MGAT5: variants seen among roughly 807,000 people sequenced by gnomAD.
MGAT5 encodes alpha-1,6-mannosylglycoprotein 6-beta-N-acetylglucosaminyltransferase.
In MGAT5, 30 loss-of-function variants were observed where a neutral mutation model predicts 94.3. That is an observed-to-expected ratio of 0.32 (90% confidence interval 0.24 to 0.43). MGAT5 has a LOEUF of 0.43. MGAT5 is among the 20% of genes least tolerant of loss of function. MGAT5 has a pLI of 1.00. For synonymous variants in MGAT5, 310 were observed against 322.9 expected, an observed-to-expected ratio of 0.96 and a Z score of 0.43; for missense variants, 691 against 905.5, an observed-to-expected ratio of 0.76 and a Z score of 3.04.
At chr2:134,381,378 T>TG (rs1681554333) in intron 10 of MGAT5, among the ~76,000 whole-genome samples, 7 of 71,590 alleles carry the variant, frequency 9.8e-5, no homozygotes, top group Non-Finnish European at 1.7e-4. Context: ...TAAGATAAGA[T>TG]AGATTAGATA....
chr2:134,266,378 G>A lies in MGAT5; in HGVS notation c.242-4008G>A, dbSNP rs147657818. On this transcript the variant is annotated intron_variant, in intron 1 of 15. Coordinates refer to ENST00000281923, the MANE Select transcript of MGAT5 (RefSeq NM_002410.5). The stretch of plus-strand genomic sequence containing the variant: ...TGGGACTACAGGCACACGCCACCAT[G>A]CCCAGCTATTTTTTGTATTTTTTGG... Among the ~76,000 whole-genome samples the A allele has an allele frequency of 6.7e-3, 1,025 of 151,910 alleles. 41 individuals are homozygous for A. In the East Asian group the frequency reaches 0.12, roughly 17 times the overall value.
At position 134,327,267 on chromosome 2, in the gene MGAT5, G is replaced by A. The variant is rs182790423; in HGVS notation, c.573+8528G>A. ...CAGTAGTCCTCTCTTATCCATGAGG[G>A]ATATATTTTAAGACCCAGTGGTACC... On this transcript the variant is annotated intron_variant, in intron 4 of 15. Transcript: ENST00000281923. 9.9e-4 allele frequency among the ~76,000 whole-genome samples: 151 copies of A among 152,176 alleles called. 1 individual carries two copies. The highest frequency in any genetic ancestry group is 1.5e-3 in the Non-Finnish European group (103 of 67,972).
At chr2:134,367,664 G>A (rs1680520618) in intron 10 of MGAT5, among the ~76,000 whole-genome samples, 1 of 152,226 alleles carries the variant, frequency 6.6e-6, no homozygotes, top group South Asian at 2.1e-4. Context: ...GATCTCATCA[G>A]AGGTCTTTCA....
chr2:134,356,734 C>T lies in MGAT5; in HGVS notation c.1247-5541C>T, dbSNP rs147809565. ...GCGGCTTTTTGCTCATTTCTCTCTACTTCCTTGCTGTTTCTTGAGTAGAAT... is the reference window on the plus strand; with the variant it reads ...GCGGCTTTTTGCTCATTTCTCTCTATTTCCTTGCTGTTTCTTGAGTAGAAT... On this transcript the variant is annotated intron_variant, in intron 9 of 15. Coordinates refer to ENST00000281923, the MANE Select transcript of MGAT5 (RefSeq NM_002410.5). Among the ~76,000 whole-genome samples the T allele has an allele frequency of 4.3e-4, 66 of 152,264 alleles. 1 individual carries two copies. The highest frequency in any genetic ancestry group is 1.4e-3 in the African/African-American group (58 of 41,552).
chr2:134,237,148 T>TGTGTGTGTGTGCGTGTGTGTGC (rs374914892), intron 1 of MGAT5, among the ~76,000 whole-genome samples: 1 of 140,744 alleles, frequency 7.1e-6, no homozygotes, highest in South Asian at 2.5e-4. Context: ...TGTGTGTGTG[T>TGTGTGTGTGTGCGTGTGTGTGC]GCGCGTGTGT....
chr2:134,293,070 G>A (rs1284856406), intron 2 of MGAT5, among the ~76,000 whole-genome samples: 2 of 152,206 alleles, frequency 1.3e-5, no homozygotes, highest in African/African-American at 4.8e-5. Context: ...CTTAACACAT[G>A]AAAGGCACCT....
chr2:134,134,422 G>T (rs1462956081), intron 1 of MGAT5, among the ~76,000 whole-genome samples: 1 of 152,154 alleles, frequency 6.6e-6, no homozygotes, highest in African/African-American at 2.4e-5. Context: ...ACAAATCCTT[G>T]TTGCTCTCCT....
chr2:134,291,208 C>T lies in MGAT5; in HGVS notation c.406+20658C>T, dbSNP rs574536825. ...TATGTTGAGATCCTAACCCCCAAGG[C>T]GATGGTGTTAAATGGTCTGGGGCCT... On this transcript the variant is annotated intron_variant, in intron 2 of 15. Transcript: ENST00000281923. 1.1e-4 allele frequency among the ~76,000 whole-genome samples: 17 copies of T among 152,230 alleles called. No homozygotes were observed. The South Asian group carries it at 3.5e-3, about 32-fold the overall frequency.
chr2:134,233,574 C>T (rs1166662875), intron 1 of MGAT5, among the ~76,000 whole-genome samples: 1 of 152,156 alleles, frequency 6.6e-6, no homozygotes, highest in Admixed American at 6.6e-5. Flanking sequence ...TAGAATAAAA[C>T]TAGGTCAGCA....
At chr2:134,196,015 G>A (rs2105257734) in intron 1 of MGAT5, among the ~76,000 whole-genome samples, 1 of 152,260 alleles carries the variant, frequency 6.6e-6, no homozygotes, top group South Asian at 2.1e-4. Flanking sequence ...AAAAAGTCAG[G>A]ATGATCCTCA....
At chr2:134,235,727 G>GTTTTTTTT (rs111416761) in intron 1 of MGAT5, among the ~76,000 whole-genome samples, 1 of 149,350 alleles carries the variant, frequency 6.7e-6, no homozygotes, top group Admixed American at 6.6e-5. Flanking sequence ...TAATAATAGG[G>GTTTTTTTT]GTTTTTTTTT....
At chr2:134,362,685 G>T (rs1258786570) in intron 10 of MGAT5, among the ~76,000 whole-genome samples, 2 of 152,206 alleles carry the variant, frequency 1.3e-5, no homozygotes, top group African/African-American at 4.8e-5. Flanking sequence ...CCTTGTACTT[G>T]CTTCTGAGAG....
chr2:134,240,357 GTTT>G (rs11316083), intron 1 of MGAT5, among the ~76,000 whole-genome samples: 127 of 146,706 alleles, frequency 8.7e-4, no homozygotes, highest in Admixed American at 8.7e-4. Context: ...AAATGAAAGT[GTTT>G]TTTTTTTTTT....
chr2:134,397,660 G>T (rs988796807), intron 10 of MGAT5, among the ~76,000 whole-genome samples: 3 of 152,150 alleles, frequency 2.0e-5, no homozygotes, highest in African/African-American at 7.2e-5. Flanking sequence ...TCCCCATCTG[G>T]CAGCAGAGGG....
At chr2:134,246,329 T>C (rs1682260482) in intron 1 of MGAT5, among the ~76,000 whole-genome samples, 1 of 152,184 alleles carries the variant, frequency 6.6e-6, no homozygotes, top group South Asian at 2.1e-4. Context: ...AGTTGAGCTT[T>C]TGGGCACCTG....
intron 10 of MGAT5, among the ~76,000 whole-genome samples, chr2:134,383,288 A>G (rs764892047): frequency 6.6e-6 from 1 of 152,234 alleles, no homozygotes; most frequent in Non-Finnish European, 1.5e-5. Context: ...ACAATGAGCA[A>G]TGATATCTGC....
chr2:134,394,509 C>T (rs1207229325), intron 10 of MGAT5, among the ~76,000 whole-genome samples: 2 of 152,272 alleles, frequency 1.3e-5, no homozygotes, highest in Non-Finnish European at 2.9e-5. Context: ...AATGTTATTC[C>T]TTACTAAGAG....
At chr2:134,328,082 T>G (rs1391505862) in intron 4 of MGAT5, among the ~76,000 whole-genome samples, 1 of 152,108 alleles carries the variant, frequency 6.6e-6, no homozygotes, top group Non-Finnish European at 1.5e-5. Flanking sequence ...TTGCTGCTTC[T>G]CATGTATAAG....
chr2:134,267,022 T>A (rs1683760249), intron 1 of MGAT5, among the ~76,000 whole-genome samples: 1 of 152,210 alleles, frequency 6.6e-6, no homozygotes, highest in African/African-American at 2.4e-5. Flanking sequence ...CTGGTGGATG[T>A]TTAGTGATAC....
Sources: allele counts gnomAD v4.1 joint callset (sites outside exome capture counted in the v4.1 genomes callset), GRCh38; gene constraint gnomAD v4.1.1; transcripts MANE v1.5; gene names NCBI Gene and HGNC (gene_info 2026-07-23, HGNC 2026-07-21).